The following TMEM117 variants were observed in gnomAD, a reference collection of about 807,000 sequenced individuals.
TMEM117 encodes transmembrane protein 117.
TMEM117 carries 27 observed loss-of-function variants against 52.4 expected under a neutral mutation model. The observed-to-expected ratio is 0.51, with a 90% confidence interval of 0.38 to 0.71. The LOEUF is 0.71. TMEM117 is among the 30% of genes least tolerant of loss of function. TMEM117 has a pLI of 0.00. For missense variants in TMEM117, 556 were observed against 630.5 expected, an observed-to-expected ratio of 0.88 and a Z score of 1.26; for synonymous variants, 215 against 206.3, an observed-to-expected ratio of 1.04 and a Z score of -0.36.
At chr12:44,020,706 G>T (rs145669412) in intron 3 of TMEM117, among the ~76,000 whole-genome samples, 1 of 152,066 alleles carries the variant, frequency 6.6e-6, no homozygotes, top group African/African-American at 2.4e-5. Flanking sequence ...TCTTGATAGG[G>T]TATTTTATAC....
At chr12:44,236,171 C>CATATAT (rs34442924) in intron 5 of TMEM117, among the ~76,000 whole-genome samples, 1 of 148,196 alleles carries the variant, frequency 6.7e-6, no homozygotes, top group Admixed American at 6.7e-5. Flanking sequence ...TAGTTTCTAG[C>CATATAT]ATATATATAT....
chr12:43,858,522 A>G (rs1943436338), intron 2 of TMEM117, among the ~76,000 whole-genome samples: 1 of 152,340 alleles, frequency 6.6e-6, no homozygotes, highest in Non-Finnish European at 1.5e-5. Context: ...GAGCCCAGAG[A>G]AACTCAGTAC....
chr12:44,383,727 G>C (rs1203707478), intron 7 of TMEM117, among the ~76,000 whole-genome samples: 1 of 152,022 alleles, frequency 6.6e-6, no homozygotes, highest in African/African-American at 2.4e-5. Context: ...CAACACACTT[G>C]GGAAAATGGC....
At chr12:44,057,883 A>G (rs1213362299) in intron 3 of TMEM117, among the ~76,000 whole-genome samples, 2 of 152,186 alleles carry the variant, frequency 1.3e-5, no homozygotes, top group African/African-American at 4.8e-5. Context: ...TCTGTATGAA[A>G]TGGTGTTTAT....
intron 2 of TMEM117, among the ~76,000 whole-genome samples, chr12:43,895,461 G>A (rs567478251): frequency 1.3e-5 from 2 of 152,230 alleles, no homozygotes; most frequent in African/African-American, 4.8e-5. Flanking sequence ...ATGAACATAT[G>A]CGTGCATGTG....
At chr12:44,171,534 T>C (rs905843296) in intron 4 of TMEM117, among the ~76,000 whole-genome samples, 1 of 152,176 alleles carries the variant, frequency 6.6e-6, no homozygotes, top group Admixed American at 6.5e-5. Context: ...TTTTCCCCCA[T>C]TTTTTTCTTA....
chr12:44,221,071 C>T (rs1054273411), intron 5 of TMEM117, among the ~76,000 whole-genome samples: 6 of 151,988 alleles, frequency 3.9e-5, no homozygotes, highest in Non-Finnish European at 5.9e-5. Context: ...TGGAAAGTGG[C>T]GGAAAGTAGC....
At chr12:44,299,842 A>G (rs1468963601) in intron 6 of TMEM117, 103 bp downstream of exon 6, 2 of 1,388,600 alleles carry the variant, frequency 1.4e-6, no homozygotes, top group African/African-American at 2.9e-5. Context: ...TAAGTACAGC[A>G]TTTACAGTTA....
chr12:44,362,436 C>A (rs546927900), intron 6 of TMEM117, among the ~76,000 whole-genome samples: 1 of 152,086 alleles, frequency 6.6e-6, no homozygotes, highest in African/African-American at 2.4e-5. Context: ...AAACTATAAA[C>A]CCCATGAGGA....
At chr12:44,094,872 T>A (rs1401126718) in intron 3 of TMEM117, among the ~76,000 whole-genome samples, 3 of 152,276 alleles carry the variant, frequency 2.0e-5, no homozygotes, top group Non-Finnish European at 4.4e-5. Context: ...AAGGACTTTG[T>A]TAGACACTTT....
intron 3 of TMEM117, among the ~76,000 whole-genome samples, chr12:44,099,125 TA>T (rs57860973): frequency 5.3e-5 from 8 of 152,064 alleles, no homozygotes; most frequent in African/African-American, 1.9e-4. Context: ...ATTTTTTTTT[TA>T]AAGTCAACCT....
intron 4 of TMEM117, among the ~76,000 whole-genome samples, chr12:44,157,166 T>C (rs1051337939): frequency 2.0e-5 from 3 of 152,220 alleles, no homozygotes; most frequent in African/African-American, 4.8e-5. Flanking sequence ...TAAACTTTCT[T>C]CTGATACCTG....
At chr12:43,800,591 C>T in the TMEM117 span, 1 of 1,313,474 alleles carries the variant, frequency 7.6e-7, no homozygotes, top group South Asian at 1.2e-5. Context: ...CAAAAGCAAG[C>T]ACATTCTGAA....
intron 6 of TMEM117, among the ~76,000 whole-genome samples, chr12:44,309,233 A>C (rs141884977): frequency 6.6e-6 from 1 of 152,152 alleles, no homozygotes; most frequent in African/African-American, 2.4e-5. Context: ...GCTGAAGCCC[A>C]GGGAGGTTCT....
intron 3 of TMEM117, among the ~76,000 whole-genome samples, chr12:44,002,162 G>A (rs1224639488): frequency 6.6e-6 from 1 of 152,144 alleles, no homozygotes; most frequent in African/African-American, 2.4e-5. Context: ...TGGACTTATA[G>A]GAGACAGCCA....
At chr12:44,181,788 G>C (rs1949203734) in intron 4 of TMEM117, among the ~76,000 whole-genome samples, 1 of 150,936 alleles carries the variant, frequency 6.6e-6, no homozygotes, top group African/African-American at 2.4e-5. Context: ...CAGGTAGTGT[G>C]ATGCCTCCAG....
At chr12:43,942,052 T>C (rs1258677414) in intron 2 of TMEM117, among the ~76,000 whole-genome samples, 1 of 152,224 alleles carries the variant, frequency 6.6e-6, no homozygotes, top group African/African-American at 2.4e-5. Flanking sequence ...TTTGAAGTGC[T>C]TCATTATCAA....
At chr12:44,317,024 T>G (rs1317267290) in intron 6 of TMEM117, among the ~76,000 whole-genome samples, 2 of 148,816 alleles carry the variant, frequency 1.3e-5, no homozygotes, top group East Asian at 1.9e-4. Context: ...TTTTTTGGCT[T>G]TCATCCTTGT....
At chr12:44,012,507 CT>C (rs1946309708) in intron 3 of TMEM117, among the ~76,000 whole-genome samples, 1 of 139,184 alleles carries the variant, frequency 7.2e-6, no homozygotes, top group Non-Finnish European at 1.6e-5. Flanking sequence ...TTTTTTTCCT[CT>C]TTGCTTTTTA....
Sources: gnomAD v4.1 joint callset for allele counts (sites outside exome capture counted in the v4.1 genomes callset) on GRCh38, gnomAD v4.1.1 for gene constraint, MANE v1.5 for transcripts, NCBI Gene and HGNC (gene_info 2026-07-23, HGNC 2026-07-21) for gene names.